PCDHGB5: variants seen among roughly 807,000 people sequenced by gnomAD.
PCDHGB5 encodes protocadherin gamma-B5.
In PCDHGB5, 48 loss-of-function variants were observed where a neutral mutation model predicts 62.9. The ratio of observed to expected loss-of-function variants is 0.76; its 90% confidence interval spans 0.61 to 0.97. The LOEUF is 0.97. Among genes scored for constraint, PCDHGB5 ranks in the 50% least tolerant of loss-of-function variants. The probability of loss-of-function intolerance (pLI) is 0.00; values close to 1 mark genes in which losing one functional copy is unlikely to be tolerated. For missense variants in PCDHGB5, 1,118 were observed against 1,198.6 expected, an observed-to-expected ratio of 0.93 and a Z score of 0.99; for synonymous variants, 474 against 511.2, an observed-to-expected ratio of 0.93 and a Z score of 0.98.
At chr5:141,498,947 AAAAG>A (rs1475471777) in intron 2 of PCDHGB5, among the ~76,000 whole-genome samples, 1 of 145,446 alleles carries the variant, frequency 6.9e-6, no homozygotes, top group African/African-American at 2.6e-5. Context: ...GAAAGAAAGA[AAAAG>A]AGAGAGAGGG....
At chr5:141,450,887 C>T (rs531604055) in intron 1 of PCDHGB5, among the ~76,000 whole-genome samples, 18 of 148,682 alleles carry the variant, frequency 1.2e-4, no homozygotes, top group East Asian at 1.2e-3. Flanking sequence ...TGCAGTGGTG[C>T]GATATCGGCT....
intron 3 of PCDHGB5, among the ~76,000 whole-genome samples, chr5:141,510,194 G>T (rs920127442): frequency 6.6e-6 from 1 of 151,462 alleles, no homozygotes. Context: ...AATCACTTGA[G>T]CCCAGGAGGC....
At chr5:141,430,140 A>C (rs1295602149) in intron 1 of PCDHGB5, among the ~76,000 whole-genome samples, 1 of 152,202 alleles carries the variant, frequency 6.6e-6, no homozygotes, top group Non-Finnish European at 1.5e-5. Context: ...CCTTCCATTC[A>C]GGATCATTCA....
chr5:141,476,446 G>A lies in PCDHGB5; in HGVS notation c.2398-18361G>A. On this transcript the variant is annotated intron_variant, in intron 1 of 3. Transcript: ENST00000617380. This position sits in a 1 kb window ranked among gnomAD's most constrained non-coding sequence, Gnocchi z 7.6. Reference sequence around the variant, plus strand: ...CCTCTTGCACTGTAACTCTGGAGTTGGTAGTGGAGAACCCGCTGGAGCTGT... The same window carrying A: ...CCTCTTGCACTGTAACTCTGGAGTTAGTAGTGGAGAACCCGCTGGAGCTGT... 6.2e-7 allele frequency: 1 copy of A among 1,614,144 alleles called. No homozygotes were observed. Among genetic ancestry groups the A allele is most frequent in the South Asian group, 1.1e-5 (1 of 91,072 alleles).
intron 1 of PCDHGB5, chr5:141,415,749 T>C: frequency 8.2e-7 from 1 of 1,214,000 alleles, no homozygotes; most frequent in Non-Finnish European, 1.1e-6. Flanking sequence ...GGTTTTTTTT[T>C]TTTTTTTTTT....
At chr5:141,410,403 A>G (rs752705682) in intron 1 of PCDHGB5, 2 of 1,614,028 alleles carry the variant, frequency 1.2e-6, no homozygotes, top group Admixed American at 1.7e-5. Context: ...CTCTGTGTCA[A>G]GTCTGGACCT....
At chr5:141,408,211 G>C in intron 1 of PCDHGB5, 1 of 1,554,426 alleles carries the variant, frequency 6.4e-7, no homozygotes, top group Non-Finnish European at 8.7e-7. Context: ...CGATGGGAGG[G>C]AGCTGCGCGC....
chr5:141,463,373 GTCTGAAAGTT>G (rs1463437299), intron 1 of PCDHGB5, among the ~76,000 whole-genome samples: 1 of 147,058 alleles, frequency 6.8e-6, no homozygotes, highest in Non-Finnish European at 1.5e-5. Context: ...CTGCCCCACA[GTCTGAAAGTT>G]GTCTCCAGGC....
At position 141,486,481 on chromosome 5, in the gene PCDHGB5, T is replaced by C. The variant is rs1562112794; in HGVS notation, c.2398-8326T>C. 1 of 1,614,036 alleles carries C rather than the reference T, an allele frequency of 6.2e-7. No individual in the cohort carries two copies. The highest frequency in any genetic ancestry group is 8.5e-7 in the Non-Finnish European group (1 of 1,179,976). Reference sequence around the variant, plus strand: ...CTGATGCTGGGAACCCTCCTCTCAGTACCCACAGAACTATTTTCCTCAATA... The same window carrying C: ...CTGATGCTGGGAACCCTCCTCTCAGCACCCACAGAACTATTTTCCTCAATA... On this transcript the variant is annotated intron_variant, in intron 1 of 3. Coordinates refer to ENST00000617380, the MANE Select transcript of PCDHGB5 (RefSeq NM_018925.3). This position sits in a 1 kb window ranked among gnomAD's most constrained non-coding sequence, Gnocchi z 5.0.
chr5:141,432,940 T>C lies in PCDHGB5; in HGVS notation c.2397+32416T>C, dbSNP rs142546730. On this transcript the variant is annotated intron_variant, in intron 1 of 3. Transcript: ENST00000617380. This position sits in a 1 kb window ranked among gnomAD's most constrained non-coding sequence, Gnocchi z 6.0. ...GGCACAAGTCACGCCTGCTGCAGGC[T>C]TCAGGAGGCGGCTTGACAGGAGCGC... 6 of 1,614,208 alleles carry C rather than the reference T, an allele frequency of 3.7e-6. No individual in the cohort carries two copies. The highest frequency in any genetic ancestry group is 4.2e-6 in the Non-Finnish European group (5 of 1,180,040).
At position 141,412,973 on chromosome 5, in the gene PCDHGB5, C is replaced by A. The variant is rs2095594108; in HGVS notation, c.2397+12449C>A. 14 of 528,318 alleles carry A rather than the reference C, an allele frequency of 2.6e-5. No individual in the cohort carries two copies. In the South Asian group the frequency reaches 3.3e-4, roughly 12 times the overall value. The allele number at this position is 528,318 out of a possible 1,614,324, so 32.7% of individuals were successfully genotyped here. A position where few individuals can be genotyped will look rare whatever the true frequency, so the allele number is the denominator to read the frequency against. Reference sequence around the variant, plus strand: ...GCTGTTCACCTACTAGGAGAGAAAACGCAGCCAGAGCTCAATCCGGATTCT... The same window carrying A: ...GCTGTTCACCTACTAGGAGAGAAAAAGCAGCCAGAGCTCAATCCGGATTCT... On this transcript the variant is annotated intron_variant, in intron 1 of 3. Transcript: ENST00000617380.
At position 141,476,881 on chromosome 5, in the gene PCDHGB5, G is replaced by A. The variant is rs1458703890; in HGVS notation, c.2398-17926G>A. On this transcript the variant is annotated intron_variant, in intron 1 of 3. Coordinates refer to ENST00000617380, the MANE Select transcript of PCDHGB5 (RefSeq NM_018925.3). The surrounding 1 kb of genome is among the most constrained non-coding windows in gnomAD (Gnocchi z 7.6). The stretch of plus-strand genomic sequence containing the variant: ...CCTTGTACCGGGCGCGCGTCCTGGA[G>A]GATGCACCCTCCGGCACGCGCGTGG... 1.9e-6 allele frequency: 3 copies of A among 1,613,874 alleles called. No homozygotes were observed. Among genetic ancestry groups the A allele is most frequent in the Middle Eastern group, 1.6e-4 (1 of 6,084 alleles).
intron 1 of PCDHGB5, chr5:141,421,118 T>A (rs572827470): frequency 1.3e-6 from 1 of 771,946 alleles, no homozygotes; most frequent in South Asian, 1.9e-5. Flanking sequence ...GTATTTTCCT[T>A]CGCTTTCTGA....
At chr5:141,414,167 A>T (rs2095716553) in intron 1 of PCDHGB5, 3 of 1,605,526 alleles carry the variant, frequency 1.9e-6, no homozygotes, top group Non-Finnish European at 2.6e-6. Flanking sequence ...GGAGGAGCAT[A>T]TCTTGCAACT....
intron 1 of PCDHGB5, among the ~76,000 whole-genome samples, chr5:141,475,504 T>C (rs1202550150): frequency 1.3e-5 from 2 of 152,254 alleles, no homozygotes; most frequent in Non-Finnish European, 2.9e-5. Flanking sequence ...AAATTATTAA[T>C]GTCTCCACGG....
rs1057374827 is a variant in PCDHGB5, at chr5:141,485,503, C to G, written c.2398-9304C>G. 3.1e-6 allele frequency: 5 copies of G among 1,613,978 alleles called. No homozygotes were observed. Among genetic ancestry groups the G allele is most frequent in the Non-Finnish European group, 4.2e-6 (5 of 1,180,016 alleles). On this transcript the variant is annotated intron_variant, in intron 1 of 3. Coordinates refer to ENST00000617380, the MANE Select transcript of PCDHGB5 (RefSeq NM_018925.3). This position sits in a 1 kb window ranked among gnomAD's most constrained non-coding sequence, Gnocchi z 5.7. ...GCATCGTGCCCCTGGAGTTTGTCACCGAAGGTCCTTTGGAAATGTACCGAG... is the reference window on the plus strand; with the variant it reads ...GCATCGTGCCCCTGGAGTTTGTCACGGAAGGTCCTTTGGAAATGTACCGAG...
intron 1 of PCDHGB5, chr5:141,430,853 C>A: frequency 6.3e-7 from 1 of 1,587,214 alleles, no homozygotes; most frequent in Non-Finnish European, 8.6e-7. Flanking sequence ...CACCCAGATA[C>A]GCTATTCAGT....
At chr5:141,450,453 C>T (rs1202828231) in intron 1 of PCDHGB5, among the ~76,000 whole-genome samples, 3 of 152,058 alleles carry the variant, frequency 2.0e-5, no homozygotes, top group East Asian at 1.9e-4. Flanking sequence ...TATGTTTCCT[C>T]GTGATTTTAT....
chr5:141,409,165 G>T (rs2095233723), intron 1 of PCDHGB5: 1 of 1,613,886 alleles, frequency 6.2e-7, no homozygotes, highest in Admixed American at 1.7e-5. Flanking sequence ...AAGTGGAAGC[G>T]AAGGACGGAG....
Sources: gnomAD v4.1 joint callset for allele counts (sites outside exome capture counted in the v4.1 genomes callset) on GRCh38, gnomAD v4.1.1 for gene constraint, Gnocchi (gnomAD v3.1) non-coding constraint, MANE v1.5 for transcripts, NCBI Gene and HGNC (gene_info 2026-07-23, HGNC 2026-07-21) for gene names.